The following TEAD3 variants were observed in gnomAD, a reference collection of about 807,000 sequenced individuals.
TEAD3 encodes the protein transcriptional enhancer factor TEF-5.
TEAD3 carries 15 observed loss-of-function variants against 55.6 expected under a neutral mutation model. That is an observed-to-expected ratio of 0.27 (90% confidence interval 0.18 to 0.42). TEAD3 has a LOEUF of 0.42. Among genes scored for constraint, TEAD3 ranks in the 10% least tolerant of loss-of-function variants. The pLI is 1.00. For missense variants in TEAD3, 407 were observed against 576.8 expected (o/e 0.71, Z 3.01); for synonymous variants, 210 against 232.2 (o/e 0.90, Z 0.87).
rs1291944345 is a variant in TEAD3, at chr6:35,486,073, C to T, written c.202+388G>A. Among the ~76,000 whole-genome samples, 2 of 152,210 alleles carry T rather than the reference C, an allele frequency of 1.3e-5. No individual in the cohort carries two copies. The highest frequency in any genetic ancestry group is 2.9e-5 in the Non-Finnish European group (2 of 68,038). ...ACAGCCCGCACTGGAGAGAACTATA[C>T]GGGCTGTGGGAGTCACCGGGCGACT... On this transcript the variant is annotated intron_variant, in intron 2 of 12. Transcript: ENST00000639578. This position sits in a 1 kb window ranked among gnomAD's most constrained non-coding sequence, Gnocchi z 7.3.
chr6:35,493,336 C>T (rs569300432), intron 1 of TEAD3, among the ~76,000 whole-genome samples: 11 of 151,934 alleles, frequency 7.2e-5, no homozygotes, highest in African/African-American at 2.4e-4. Context: ...ACGTCAGGGA[C>T]CACAGGCCCC....
In TEAD3 at chr6:35,488,747, G is replaced by A. The variant is rs553506393; in HGVS notation, c.-49-2036C>T. Among the ~76,000 whole-genome samples, 20 of 151,498 alleles carry A rather than the reference G, an allele frequency of 1.3e-4. No homozygotes were observed. The highest frequency in any genetic ancestry group is 2.4e-4 in the Non-Finnish European group (16 of 67,866). Reference sequence around the variant, plus strand: ...TTTATTTGTTTTTTATTTTTTAGACGGAGTCTTGCTCTGTCGCCCAGGCTA... The same window carrying A: ...TTTATTTGTTTTTTATTTTTTAGACAGAGTCTTGCTCTGTCGCCCAGGCTA... On this transcript the variant is annotated intron_variant, in intron 1 of 12. Coordinates refer to ENST00000639578, the Ensembl canonical transcript of TEAD3. The surrounding 1 kb of genome is among the most constrained non-coding windows in gnomAD (Gnocchi z 4.2).
Position 35,485,945 on chromosome 6 carries a change from G to A in TEAD3, c.202+516C>T, listed in dbSNP as rs537675977. On this transcript the variant is annotated intron_variant, in intron 2 of 12. Coordinates refer to ENST00000639578, the Ensembl canonical transcript of TEAD3. The surrounding 1 kb of genome is among the most constrained non-coding windows in gnomAD (Gnocchi z 4.3). Reference sequence around the variant, plus strand: ...ACTCCCTTCTGGAAATGGGCAAGATGGCAAAGAGGAGGGCCAACAAACCCA... The same window carrying A: ...ACTCCCTTCTGGAAATGGGCAAGATAGCAAAGAGGAGGGCCAACAAACCCA... 6.6e-6 allele frequency among the ~76,000 whole-genome samples: 1 copy of A among 152,320 alleles called. No homozygotes were observed. The highest frequency in any genetic ancestry group is 1.9e-4 in the East Asian group (1 of 5,178).
At chr6:35,476,410 G>C (rs1261501218) in exon 9 of TEAD3, 2 of 1,612,992 alleles carry the variant, frequency 1.2e-6, no homozygotes, top group East Asian at 4.5e-5. Flanking sequence ...CAGCAGCTGA[G>C]GGGAGCGGGG....
chr6:35,479,678 C>T (rs948133694), intron 4 of TEAD3, among the ~76,000 whole-genome samples: 6 of 152,192 alleles, frequency 3.9e-5, no homozygotes, highest in African/African-American at 1.4e-4. Flanking sequence ...AGTCATGAAC[C>T]CCAGACTCTG....
Position 35,475,436 on chromosome 6 carries a change from G to A in TEAD3, c.1094C>T (p.Ser365Leu). The change falls in exon 12 of 13, where the codon TCG (serine) becomes TTG (leucine). Residue 365 changes from serine (S) to leucine (L), a missense_variant. Ser to Leu is a moderately radical substitution (Grantham distance 145). Coordinates refer to ENST00000639578, the Ensembl canonical transcript of TEAD3. The surrounding 1 kb of genome is among the most constrained non-coding windows in gnomAD (Gnocchi z 5.4). ...GTTGATCATGTACTCGCACATGGGC[G>A]AGCGGTGGATACGGTACACAAAGCG... is the stretch of plus-strand genomic sequence containing the variant. The A allele has an allele frequency of 6.2e-7, 1 of 1,613,974 alleles. No homozygotes were observed. The highest frequency in any genetic ancestry group is 1.3e-5 in the African/African-American group (1 of 75,002).
In TEAD3 at chr6:35,485,413, G is replaced by A. The variant is rs1372288437; in HGVS notation, c.203-789C>T. Among the ~76,000 whole-genome samples the A allele has an allele frequency of 1.3e-5, 2 of 152,134 alleles. No individual in the cohort carries two copies. The highest frequency in any genetic ancestry group is 2.9e-5 in the Non-Finnish European group (2 of 68,014). Reference sequence around the variant, plus strand: ...ACTTGGGCCTGAAAGGGGGATGCCTGGGCCACACGGCTGAGCCCAAGTCAG... The same window carrying A: ...ACTTGGGCCTGAAAGGGGGATGCCTAGGCCACACGGCTGAGCCCAAGTCAG... On this transcript the variant is annotated intron_variant, in intron 2 of 12. Coordinates refer to ENST00000639578, the Ensembl canonical transcript of TEAD3. The surrounding 1 kb of genome is among the most constrained non-coding windows in gnomAD (Gnocchi z 4.3).
chr6:35,493,743 C>T (rs550522185), intron 1 of TEAD3, among the ~76,000 whole-genome samples: 1 of 152,356 alleles, frequency 6.6e-6, no homozygotes, highest in East Asian at 1.9e-4. Context: ...TCACACAGAT[C>T]GCCACTCATC....
intron 8 of TEAD3, among the ~76,000 whole-genome samples, chr6:35,477,010 G>A (rs370828626): frequency 3.3e-5 from 5 of 152,086 alleles, no homozygotes; most frequent in African/African-American, 7.2e-5. Context: ...TAGTAGAGAC[G>A]GGGTTTCACC....
intron 5 of TEAD3, 101 bp from the exon 6 acceptor site, chr6:35,478,672 T>A: frequency 7.1e-7 from 1 of 1,414,602 alleles, no homozygotes. Flanking sequence ...AGCACTAGGA[T>A]GGCAGGTGTT....
At position 35,486,710 on chromosome 6, in the gene TEAD3, G is replaced by A. The variant is rs370676369; in HGVS notation, c.-48C>T. On this transcript the variant is annotated splice_region_variant and 5_prime_UTR_variant, in exon 2 of 13. Coordinates refer to ENST00000639578, the Ensembl canonical transcript of TEAD3. This position sits in a 1 kb window ranked among gnomAD's most constrained non-coding sequence, Gnocchi z 7.3. ...GGGCCTGAGCCCACTGGGCGGCTGA[G>A]CCTGGGGGACAGACAGACAGGAACT... The A allele has an allele frequency of 4.0e-5, 63 of 1,589,048 alleles. No individual in the cohort carries two copies. Among genetic ancestry groups the A allele is most frequent in the Non-Finnish European group, 5.4e-5 (63 of 1,165,298 alleles).
Position 35,475,908 on chromosome 6 carries a change from G to A in TEAD3, c.900+11C>T. 6.6e-7 allele frequency: 1 copy of A among 1,521,630 alleles called. No homozygotes were observed. The highest frequency in any genetic ancestry group is 8.8e-7 in the Non-Finnish European group (1 of 1,136,514). 94.3% of individuals were successfully genotyped at this position (1,521,630 alleles called of 1,614,324 possible). On this transcript the variant is annotated intron_variant, in intron 10 of 12. Coordinates refer to ENST00000639578, the Ensembl canonical transcript of TEAD3. The surrounding 1 kb of genome is among the most constrained non-coding windows in gnomAD (Gnocchi z 5.4). ...AGGGGGCTTGGAGCAGAGAAGGCCA[G>A]GGGGACTCACCCAGAACTTGACAAG...
At chr6:35,482,175 G>A (rs1183200660) in intron 3 of TEAD3, among the ~76,000 whole-genome samples, 3 of 152,022 alleles carry the variant, frequency 2.0e-5, no homozygotes, top group African/African-American at 4.8e-5. Flanking sequence ...TAGTAGAGAC[G>A]GGGTTTCACC....
chr6:35,477,768 T>C (rs1202316829), intron 7 of TEAD3, among the ~76,000 whole-genome samples: 1 of 151,870 alleles, frequency 6.6e-6, no homozygotes, highest in Admixed American at 6.6e-5. Context: ...GGATGACAAG[T>C]GGATGCATGC....
At position 35,486,310 on chromosome 6, in the gene TEAD3, G is replaced by T; in HGVS notation, c.202+151C>A. ...GCGAGCCCGGCTTGTTTATGAGGAG[G>T]AGCGCGGAGGAGGATCCAGACACAC... On this transcript the variant is annotated intron_variant, in intron 2 of 12. Transcript: ENST00000639578. The surrounding 1 kb of genome is among the most constrained non-coding windows in gnomAD (Gnocchi z 7.3). The T allele has an allele frequency of 1.1e-6, 1 of 933,466 alleles. No individual in the cohort carries two copies. The highest frequency in any genetic ancestry group is 1.6e-6 in the Non-Finnish European group (1 of 638,704). The allele number at this position is 933,466 out of a possible 1,614,324, so 57.8% of individuals were successfully genotyped here. A position where few individuals can be genotyped will look rare whatever the true frequency, so the allele number is the denominator to read the frequency against.
Position 35,485,569 on chromosome 6 carries a change from G to A in TEAD3, c.202+892C>T, listed in dbSNP as rs112420545. 0.012 allele frequency among the ~76,000 whole-genome samples: 1,889 copies of A among 151,886 alleles called. 52 individuals carry two copies. Among genetic ancestry groups the A allele is most frequent in the African/African-American group, 0.042 (1,725 of 41,388 alleles). ...ACCAGCCCCATTGCTCCTCCCTCCCGCCAGCCCCTCTCCACCCCACTCTCT... is the reference window on the plus strand; with the variant it reads ...ACCAGCCCCATTGCTCCTCCCTCCCACCAGCCCCTCTCCACCCCACTCTCT... On this transcript the variant is annotated intron_variant, in intron 2 of 12. Transcript: ENST00000639578. The surrounding 1 kb of genome is among the most constrained non-coding windows in gnomAD (Gnocchi z 4.3).
intron 4 of TEAD3, chr6:35,480,045 G>T: frequency 6.7e-7 from 1 of 1,495,922 alleles, no homozygotes; most frequent in Admixed American, 2.0e-5. Context: ...AGGCCAGGTG[G>T]CAGGGGCCCC....
chr6:35,478,331 G>A lies in TEAD3; in HGVS notation c.481-7C>T. On this transcript the variant is annotated splice_polypyrimidine_tract_variant and splice_region_variant and intron_variant, in intron 6 of 12. Transcript: ENST00000639578. ...GAGGGGGGCTGCTCCAGAACTGCAG[G>A]GATGAGACAAGGCCCAGGGGCCCCT... 1 of 1,613,808 alleles carries A rather than the reference G, an allele frequency of 6.2e-7. No homozygotes were observed.
At chr6:35,482,453 G>A (rs1490219155) in intron 3 of TEAD3, among the ~76,000 whole-genome samples, 1 of 152,176 alleles carries the variant, frequency 6.6e-6, no homozygotes, top group Non-Finnish European at 1.5e-5. Context: ...TTATAATGAA[G>A]ACAGTGGTTT....
Sources: gnomAD v4.1 joint callset for allele counts (sites outside exome capture counted in the v4.1 genomes callset) on GRCh38, gnomAD v4.1.1 for gene constraint, Gnocchi (gnomAD v3.1) non-coding constraint, MANE v1.5 for transcripts, NCBI Gene and HGNC (gene_info 2026-07-23, HGNC 2026-07-21) for gene names.